ACACA: variants seen among roughly 807,000 people sequenced by gnomAD.
ACACA encodes acetyl-CoA carboxylase alpha, also known as acetyl-CoA carboxylase 1.
ACACA carries 103 observed loss-of-function variants against 296.1 expected under a neutral mutation model. The ratio of observed to expected loss-of-function variants is 0.35; its 90% CI spans 0.30 to 0.41. ACACA has a LOEUF of 0.41. Ranked by LOEUF, ACACA falls within the 10% of genes least tolerant of loss-of-function variation. The pLI, the probability that ACACA is intolerant of heterozygous loss-of-function variation, is 1.00. For synonymous variants in ACACA, 953 were observed against 1,038.6 expected (o/e 0.92, Z 1.58); for missense variants, 1,554 against 2,989.7 (o/e 0.52, Z 11.20).
intron 14 of ACACA, among the ~76,000 whole-genome samples, chr17:37,256,180 T>G (rs1451545342): frequency 6.6e-6 from 1 of 152,156 alleles, no homozygotes; most frequent in African/African-American, 2.4e-5. Context: ...TAAAAAAAAT[T>G]AACACTTTGT....
At chr17:37,202,718 CACACAT>C (rs2078319857) in intron 33 of ACACA, among the ~76,000 whole-genome samples, 3 of 33,304 alleles carry the variant, frequency 9.0e-5, no homozygotes, top group African/African-American at 2.9e-4. Context: ...TATATACACA[CACACAT>C]ATATTTTAAC....
At chr17:37,203,586 T>C (rs1043614059) in intron 33 of ACACA, among the ~76,000 whole-genome samples, 2 of 151,558 alleles carry the variant, frequency 1.3e-5, no homozygotes, top group African/African-American at 4.8e-5. Context: ...TCTACTAAAA[T>C]ACAAAAATTA....
intron 1 of ACACA, among the ~76,000 whole-genome samples, chr17:37,375,371 C>G (rs2049961610): frequency 6.6e-6 from 1 of 152,010 alleles, no homozygotes; most frequent in Non-Finnish European, 1.5e-5. Flanking sequence ...CCTGTAGTCC[C>G]ACCTACTCAG....
rs1237449422 is a variant in ACACA, at chr17:37,147,927, C to T, written c.5679+1937G>A. Among the ~76,000 whole-genome samples, 3 of 152,004 alleles carry T rather than the reference C, an allele frequency of 2.0e-5. No homozygotes were observed. The East Asian group carries it at 5.8e-4, about 29-fold the overall frequency. ...CATGGCACAAATGAAATTCAACTAG[C>T]AAGTTTTCAAGCAAAACAAAACCAA... On this transcript the variant is annotated intron_variant, in intron 45 of 55. Coordinates refer to ENST00000616317, the MANE Select transcript of ACACA (RefSeq NM_198834.3).
At chr17:37,377,992 T>A (rs745997340) in intron 1 of ACACA, 1 of 1,603,010 alleles carries the variant, frequency 6.2e-7, no homozygotes, top group South Asian at 1.1e-5. Context: ...TTCTGGAAAA[T>A]GATATTGCCA....
chr17:37,153,677 A>G (rs181338386), intron 43 of ACACA, among the ~76,000 whole-genome samples: 1 of 152,314 alleles, frequency 6.6e-6, no homozygotes, highest in African/African-American at 2.4e-5. Flanking sequence ...TCAAATGATT[A>G]TTAAGTTCTT....
At chr17:37,246,256 C>T (rs2080693019) in intron 19 of ACACA, among the ~76,000 whole-genome samples, 1 of 152,174 alleles carries the variant, frequency 6.6e-6, no homozygotes, top group Non-Finnish European at 1.5e-5. Flanking sequence ...TCTGGATAGC[C>T]AGCAGTTAGG....
At chr17:37,390,169 T>TACAC (rs2050743995) in intron 1 of ACACA, among the ~76,000 whole-genome samples, 1 of 56,062 alleles carries the variant, frequency 1.8e-5, no homozygotes, top group African/African-American at 1.1e-4. Flanking sequence ...TATATATATA[T>TACAC]ATATATACAC....
intron 41 of ACACA, among the ~76,000 whole-genome samples, chr17:37,170,723 T>C (rs1419781733): frequency 6.6e-6 from 1 of 152,204 alleles, no homozygotes; most frequent in Non-Finnish European, 1.5e-5. Context: ...TGCCCATAAA[T>C]GCCATTAGTC....
At chr17:37,262,185 T>C (rs1468997095) in intron 11 of ACACA, among the ~76,000 whole-genome samples, 2 of 152,210 alleles carry the variant, frequency 1.3e-5, no homozygotes, top group African/African-American at 2.4e-5. Flanking sequence ...CTCTACTTCA[T>C]CATTTTAGGA....
intron 1 of ACACA, among the ~76,000 whole-genome samples, chr17:37,380,540 T>A (rs930436337): frequency 9.9e-5 from 15 of 152,164 alleles, no homozygotes; most frequent in Non-Finnish European, 2.2e-4. Flanking sequence ...ACTCTGTGAT[T>A]TTCATGTGAT....
At chr17:37,201,623 A>G (rs923884259) in intron 33 of ACACA, among the ~76,000 whole-genome samples, 4 of 152,138 alleles carry the variant, frequency 2.6e-5, no homozygotes, top group Non-Finnish European at 5.9e-5. Context: ...GAAGGATTAT[A>G]ACAGCAAGCA....
At chr17:37,402,893 C>T (rs369601841) in intron 1 of ACACA, among the ~76,000 whole-genome samples, 1 of 152,114 alleles carries the variant, frequency 6.6e-6, no homozygotes, top group African/African-American at 2.4e-5. Context: ...AGGATGGTCT[C>T]GATCTCCTGA....
chr17:37,178,817 A>G (rs915072356), intron 41 of ACACA, among the ~76,000 whole-genome samples: 1 of 152,114 alleles, frequency 6.6e-6, no homozygotes, highest in Admixed American at 6.6e-5. Context: ...AGAAAAAAGA[A>G]AAAAAGAAAA....
chr17:37,369,037 C>A (rs1034109162), intron 1 of ACACA, among the ~76,000 whole-genome samples: 9 of 152,126 alleles, frequency 5.9e-5, no homozygotes, highest in Non-Finnish European at 1.2e-4. Flanking sequence ...GGAAACAACA[C>A]AAATGTCTCT....
chr17:37,177,301 T>G (rs1287455867), intron 41 of ACACA, among the ~76,000 whole-genome samples: 1 of 147,994 alleles, frequency 6.8e-6, no homozygotes, highest in African/African-American at 2.5e-5. Context: ...TGTGTGTGTG[T>G]GGTCTTTGGG....
At chr17:37,090,563 G>C (rs1322466511) in intron 54 of ACACA, among the ~76,000 whole-genome samples, 1 of 152,132 alleles carries the variant, frequency 6.6e-6, no homozygotes, top group African/African-American at 2.4e-5. Context: ...TCTCCTCTCT[G>C]TGCCTGGGTT....
At chr17:37,296,587 G>C (rs2083343725) in intron 3 of ACACA, among the ~76,000 whole-genome samples, 2 of 152,026 alleles carry the variant, frequency 1.3e-5, no homozygotes, top group African/African-American at 4.8e-5. Flanking sequence ...TTACAGGCAT[G>C]AGCCACCATG....
intron 47 of ACACA, among the ~76,000 whole-genome samples, chr17:37,128,356 T>C (rs928775404): frequency 6.6e-6 from 1 of 152,160 alleles, no homozygotes; most frequent in African/African-American, 2.4e-5. Context: ...TGGAAGTGCT[T>C]TACAGTCCCA....
Sources: gnomAD v4.1 joint callset for allele counts (sites outside exome capture counted in the v4.1 genomes callset) on GRCh38, gnomAD v4.1.1 for gene constraint, MANE v1.5 for transcripts, NCBI Gene and HGNC (gene_info 2026-07-23, HGNC 2026-07-21) for gene names.